The following LRRC9 variants were observed in gnomAD, a reference collection of about 807,000 sequenced individuals.
The protein encoded by LRRC9 is leucine-rich repeat-containing protein 9.
LRRC9 carries 122 observed loss-of-function variants against 63.2 expected under a neutral mutation model. The ratio of observed to expected loss-of-function variants is 1.93; its 90% CI spans 1.67 to 2.24. LRRC9 has a LOEUF of 2.24. Ranked by LOEUF, LRRC9 falls within the 30% of genes most tolerant of loss-of-function variation. The pLI, the probability that LRRC9 is intolerant of heterozygous loss-of-function variation, is 0.00. For missense variants in LRRC9, 1,071 were observed against 627.7 expected (o/e 1.71, Z -7.55); for synonymous variants, 366 against 213.1 (o/e 1.72, Z -6.25).
chr14:59,970,236 T>A (rs1220646486), intron 12 of LRRC9, among the ~76,000 whole-genome samples: 2 of 151,962 alleles, frequency 1.3e-5, no homozygotes, highest in Non-Finnish European at 2.9e-5. Flanking sequence ...TGTTCCTGTG[T>A]TAGTTTGCTA....
At chr14:59,975,116 T>TATATATATACATATATATATGTATAC (rs1886058796) in intron 13 of LRRC9, among the ~76,000 whole-genome samples, 1 of 17,920 alleles carries the variant, frequency 5.6e-5, no homozygotes, top group African/African-American at 8.4e-5. Context: ...TATATATGTA[T>TATATATATACATATATATATGTATAC]ATATATATAT....
chr14:60,044,818 G>A (rs1379383071), intron 29 of LRRC9, among the ~76,000 whole-genome samples: 1 of 152,124 alleles, frequency 6.6e-6, no homozygotes, highest in Non-Finnish European at 1.5e-5. Flanking sequence ...CTAGTGTATA[G>A]TTTAACTTTA....
Position 60,031,036 on chromosome 14 carries a change from G to A in LRRC9, c.3922-959G>A, listed in dbSNP as rs1378001707. Among the ~76,000 whole-genome samples, 2 of 151,906 alleles carry A rather than the reference G, an allele frequency of 1.3e-5. No individual in the cohort carries two copies. Among genetic ancestry groups the A allele is most frequent in the Non-Finnish European group, 1.5e-5 (1 of 67,922 alleles). ...TTCACTAGTGACTACTGTTGTGTTC[G>A]GTTTAATTTGAGAAAATAATGTAAG... is the stretch of plus-strand genomic sequence containing the variant. On this transcript the variant is annotated intron_variant, in intron 28 of 31. Coordinates refer to ENST00000445360, the Ensembl canonical transcript of LRRC9. This position sits in a 1 kb window ranked among gnomAD's most constrained non-coding sequence, Gnocchi z 4.6.
intron 26 of LRRC9, among the ~76,000 whole-genome samples, chr14:60,021,006 C>G (rs942535016): frequency 6.6e-6 from 1 of 151,820 alleles, no homozygotes; most frequent in African/African-American, 2.4e-5. Flanking sequence ...TGGGTAGATA[C>G]CTATGAGTGG....
At chr14:60,001,055 T>C (rs1889315187) in intron 19 of LRRC9, among the ~76,000 whole-genome samples, 1 of 152,128 alleles carries the variant, frequency 6.6e-6, no homozygotes, top group African/African-American at 2.4e-5. Flanking sequence ...GCCAGTTTTA[T>C]AGATGAGCAA....
chr14:59,944,658 G>T, exon 8 of LRRC9: 1 of 667,940 alleles, frequency 1.5e-6, no homozygotes, highest in African/African-American at 1.8e-5. Flanking sequence ...TCTTAAAGAA[G>T]ACCTTGAAAA....
intron 26 of LRRC9, among the ~76,000 whole-genome samples, chr14:60,021,683 C>A (rs1466498085): frequency 6.6e-6 from 1 of 151,776 alleles, no homozygotes; most frequent in Non-Finnish European, 1.5e-5. Context: ...GGAGTGAGGT[C>A]TAAATCTATT....
intron 26 of LRRC9, among the ~76,000 whole-genome samples, chr14:60,022,363 C>G (rs1891180231): frequency 6.6e-6 from 1 of 151,554 alleles, no homozygotes; most frequent in African/African-American, 2.4e-5. Flanking sequence ...TTGCTAAACT[C>G]CTTTATTGCT....
intron 17 of LRRC9, among the ~76,000 whole-genome samples, chr14:59,989,144 G>T (rs1887792603): frequency 6.6e-6 from 1 of 151,326 alleles, no homozygotes; most frequent in Admixed American, 6.6e-5. Flanking sequence ...GTTCTGGGTT[G>T]TTTTTTTCAG....
In LRRC9 at chr14:60,053,853, A is replaced by C. The variant is rs1478765800; in HGVS notation, c.4131+648A>C. On this transcript the variant is annotated intron_variant, in intron 30 of 31. Transcript: ENST00000445360. The surrounding 1 kb of genome is among the most constrained non-coding windows in gnomAD (Gnocchi z 4.8). ...CTTCTAAAGACTAAATTTAACACAGAAAATCTATGGTTTTTGAACAGAGAA... is the reference window on the plus strand; with the variant it reads ...CTTCTAAAGACTAAATTTAACACAGCAAATCTATGGTTTTTGAACAGAGAA... 1 of 439,108 alleles carries C rather than the reference A, an allele frequency of 2.3e-6. No individual in the cohort carries two copies. The highest frequency in any genetic ancestry group is 2.7e-5 in the Admixed American group (1 of 37,502). 27.2% of individuals were successfully genotyped at this position (439,108 alleles called of 1,614,324 possible). A position where few individuals can be genotyped will look rare whatever the true frequency, so the allele number is the denominator to read the frequency against.
rs1889410647 is a variant in LRRC9 at position 60,001,965 on chromosome 14, GTT to G, written c.2530_2531del (p.Leu844IlefsTer7). The stretch of plus-strand genomic sequence containing the variant: ...TCACTGTATTTTTTAAATTTTATTA[GTT>G]ATCTCTCTTACGGCATTCTAGTACT... On this transcript the variant is annotated frameshift_variant and splice_region_variant, in exon 20 of 32. Transcript: ENST00000445360. LOFTEE classifies it high-confidence loss of function. 4 of 649,794 alleles carry G rather than the reference GTT, an allele frequency of 6.2e-6. No homozygotes were observed. Among genetic ancestry groups the G allele is most frequent in the Non-Finnish European group, 8.3e-6 (3 of 362,794 alleles). The allele number at this position is 649,794 out of a possible 1,614,324, so 40.3% of individuals were successfully genotyped here. A position where few individuals can be genotyped will look rare whatever the true frequency, so the allele number is the denominator to read the frequency against.
chr14:59,970,705 T>C (rs148254463), intron 12 of LRRC9, among the ~76,000 whole-genome samples: 402 of 152,310 alleles, frequency 2.6e-3, no homozygotes, highest in Non-Finnish European at 4.5e-3. Flanking sequence ...TTTTTTCTTA[T>C]GCTTATTGGC....
At chr14:59,975,043 A>ATATATATG (rs1555375414) in intron 13 of LRRC9, among the ~76,000 whole-genome samples, 1 of 51,172 alleles carries the variant, frequency 2.0e-5, no homozygotes, top group Non-Finnish European at 7.0e-5. Flanking sequence ...GCATATATAT[A>ATATATATG]TATATATATG....
chr14:59,981,166 T>C (rs1052276460), intron 15 of LRRC9, among the ~76,000 whole-genome samples: 2 of 152,180 alleles, frequency 1.3e-5, no homozygotes, highest in Non-Finnish European at 2.9e-5. Flanking sequence ...ACATTGCTAA[T>C]TTGATCTGCT....
At chr14:59,943,020 T>A (rs201125182) in intron 7 of LRRC9, among the ~76,000 whole-genome samples, 1 of 53,636 alleles carries the variant, frequency 1.9e-5, no homozygotes, top group African/African-American at 1.0e-4. Context: ...TTGTATTTTG[T>A]TTTTTTGCTG....
intron 3 of LRRC9, among the ~76,000 whole-genome samples, chr14:59,929,480 A>G (rs1253751420): frequency 6.6e-6 from 1 of 152,054 alleles, no homozygotes; most frequent in Admixed American, 6.6e-5. Flanking sequence ...CTGTTGGTGG[A>G]AGTGTGAATT....
chr14:60,055,795 C>G (rs1396766827), intron 30 of LRRC9, among the ~76,000 whole-genome samples: 1 of 150,470 alleles, frequency 6.6e-6, no homozygotes, highest in Non-Finnish European at 1.5e-5. Context: ...GTCTCAGCTA[C>G]TCAGGAGGCT....
intron 29 of LRRC9, among the ~76,000 whole-genome samples, chr14:60,046,948 T>C (rs192508801): frequency 4.6e-5 from 7 of 152,340 alleles, no homozygotes; most frequent in Non-Finnish European, 7.3e-5. Flanking sequence ...CAGTAGTTTG[T>C]AGTTCTCCTT....
At chr14:60,055,614 C>T (rs1894211184) in intron 30 of LRRC9, among the ~76,000 whole-genome samples, 1 of 151,958 alleles carries the variant, frequency 6.6e-6, no homozygotes, top group African/African-American at 2.4e-5. Context: ...TGGCAGGGGC[C>T]AGGCTTGGCG....
Sources: allele counts gnomAD v4.1 joint callset (sites outside exome capture counted in the v4.1 genomes callset), GRCh38; gene constraint gnomAD v4.1.1; non-coding constraint Gnocchi (gnomAD v3.1); transcripts MANE v1.5; gene names NCBI Gene and HGNC (gene_info 2026-07-23, HGNC 2026-07-21).